Variants in COL21A1 observed in about 807,000 individuals in gnomAD.
COL21A1 encodes the protein collagen type XXI alpha 1 chain.
Under a neutral mutation model 137.9 loss-of-function variants are expected in COL21A1, and 149 were observed. The ratio of observed to expected loss-of-function variants is 1.08; its 90% confidence interval spans 0.95 to 1.24. COL21A1 has a LOEUF of 1.24. COL21A1 is among the 50% of genes most tolerant of loss of function. The pLI is 0.00. For synonymous variants in COL21A1, 456 were observed against 391.5 expected, an observed-to-expected ratio of 1.16 and a Z score of -1.95; for missense variants, 1,167 against 1,158.4, an observed-to-expected ratio of 1.01 and a Z score of -0.11.
chr6:56,319,379 C>T (rs954839748), intron 1 of COL21A1, among the ~76,000 whole-genome samples: 1 of 152,072 alleles, frequency 6.6e-6, no homozygotes, highest in Admixed American at 6.6e-5. Flanking sequence ...ACTCTGTCAC[C>T]CAGGCTGGAG....
intron 1 of COL21A1, among the ~76,000 whole-genome samples, chr6:56,232,166 T>A (rs994725574): frequency 1.3e-5 from 2 of 151,830 alleles, no homozygotes; most frequent in South Asian, 4.1e-4. Context: ...TATATTTGAA[T>A]AAATCTATGT....
At chr6:56,063,575 C>T (rs930808606) in intron 24 of COL21A1, among the ~76,000 whole-genome samples, 4 of 152,058 alleles carry the variant, frequency 2.6e-5, no homozygotes, top group Admixed American at 1.3e-4. Context: ...CATTCCTCCT[C>T]TTGGTTACTT....
At chr6:56,344,765 T>C (rs1183381180) in intron 1 of COL21A1, among the ~76,000 whole-genome samples, 1 of 152,072 alleles carries the variant, frequency 6.6e-6, no homozygotes, top group African/African-American at 2.4e-5. Context: ...TCTCATGAGA[T>C]CTGGTTGTTT....
At chr6:56,180,678 T>C (rs1338787675) in intron 2 of COL21A1, among the ~76,000 whole-genome samples, 1 of 152,202 alleles carries the variant, frequency 6.6e-6, no homozygotes, top group Admixed American at 6.5e-5. Context: ...TTATAAGCAG[T>C]TGTGGAAAGA....
chr6:56,322,898 AAAAGTC>A (rs1318304261), intron 1 of COL21A1, among the ~76,000 whole-genome samples: 2 of 151,316 alleles, frequency 1.3e-5, no homozygotes, highest in African/African-American at 4.9e-5. Flanking sequence ...AAAAAAAAAA[AAAAGTC>A]AAGTCATCAA....
chr6:56,383,089 A>G (rs2094011520), intron 1 of COL21A1, among the ~76,000 whole-genome samples: 1 of 152,220 alleles, frequency 6.6e-6, no homozygotes, highest in Non-Finnish European at 1.5e-5. Context: ...ACAGATTGCC[A>G]TAGACTAGGT....
At chr6:56,188,725 G>C (rs574542802) in intron 1 of COL21A1, among the ~76,000 whole-genome samples, 1 of 152,298 alleles carries the variant, frequency 6.6e-6, no homozygotes, top group East Asian at 1.9e-4. Flanking sequence ...ATAGAGAAGA[G>C]CTCTGGCTGG....
chr6:56,352,965 G>A (rs781374037), intron 1 of COL21A1, among the ~76,000 whole-genome samples: 12 of 152,030 alleles, frequency 7.9e-5, no homozygotes, highest in African/African-American at 2.4e-4. Context: ...CACTTGAATC[G>A]GGGAAGTGGA....
intron 17 of COL21A1, chr6:56,077,948 A>G: frequency 5.1e-6 from 2 of 395,776 alleles, no homozygotes; most frequent in Non-Finnish European, 9.8e-6. Context: ...GATTTAGCGC[A>G]ACAGTTCCAC....
At chr6:56,373,419 T>C (rs551897768) in intron 1 of COL21A1, among the ~76,000 whole-genome samples, 1 of 152,250 alleles carries the variant, frequency 6.6e-6, no homozygotes, top group South Asian at 2.1e-4. Context: ...CTGGCCAATA[T>C]GGTGAAACCC....
chr6:56,302,654 A>G (rs1441727870), intron 1 of COL21A1, among the ~76,000 whole-genome samples: 3 of 152,148 alleles, frequency 2.0e-5, no homozygotes, highest in African/African-American at 7.2e-5. Flanking sequence ...AGTAGGTTGC[A>G]AAAATTTTCT....
intron 1 of COL21A1, among the ~76,000 whole-genome samples, chr6:56,198,598 T>G (rs1779185424): frequency 1.3e-5 from 2 of 151,946 alleles, no homozygotes; most frequent in Non-Finnish European, 2.9e-5. Flanking sequence ...TGCAGCACAA[T>G]CCATAGACCA....
At chr6:56,315,361 C>T (rs1416754482) in intron 1 of COL21A1, among the ~76,000 whole-genome samples, 2 of 152,056 alleles carry the variant, frequency 1.3e-5, no homozygotes, top group East Asian at 1.9e-4. Context: ...TCTACAAACA[C>T]GGCCAAGGAT....
chr6:56,153,518 A>G (rs1434349844), intron 10 of COL21A1, among the ~76,000 whole-genome samples: 1 of 151,842 alleles, frequency 6.6e-6, no homozygotes, highest in Non-Finnish European at 1.5e-5. Context: ...CCCCAATTCT[A>G]CTGCTCTGGG....
intron 16 of COL21A1, 61 bp from the exon 17 acceptor site, chr6:56,101,586 A>T: frequency 9.2e-7 from 1 of 1,087,430 alleles, no homozygotes; most frequent in Non-Finnish European, 1.4e-6. Flanking sequence ...TTACCAAAAT[A>T]ACAATATATA....
chr6:56,140,742 T>C (rs1469216212), intron 12 of COL21A1, among the ~76,000 whole-genome samples: 1 of 152,166 alleles, frequency 6.6e-6, no homozygotes, highest in Non-Finnish European at 1.5e-5. Context: ...TACATGGTGA[T>C]TTTAGACCCA....
chr6:56,337,473 TAG>T (rs10552861), intron 1 of COL21A1, among the ~76,000 whole-genome samples: 33,150 of 152,180 alleles, frequency 0.22, 4,134 homozygotes, highest in African/African-American at 0.35. Context: ...CAAAATGCTT[TAG>T]ACCTTTGCGG....
At chr6:56,114,445 G>A (rs1290339058) in intron 16 of COL21A1, among the ~76,000 whole-genome samples, 6 of 152,140 alleles carry the variant, frequency 3.9e-5, no homozygotes, top group African/African-American at 1.4e-4. Context: ...GCTTTCTCTT[G>A]TGGGCATTTA....
chr6:56,286,724 A>G (rs1453752412), intron 1 of COL21A1, among the ~76,000 whole-genome samples: 4 of 152,196 alleles, frequency 2.6e-5, no homozygotes, highest in African/African-American at 9.7e-5. Flanking sequence ...ACTGTGGATA[A>G]TAGCCTCTAC....
Sources: gnomAD v4.1 joint callset for allele counts (sites outside exome capture counted in the v4.1 genomes callset) on GRCh38, gnomAD v4.1.1 for gene constraint, MANE v1.5 for transcripts, NCBI Gene and HGNC (gene_info 2026-07-23, HGNC 2026-07-21) for gene names.